Variants in IL1RAPL1 observed in about 807,000 individuals in gnomAD.
IL1RAPL1 encodes interleukin 1 receptor accessory protein like 1.
IL1RAPL1 carries 3 observed loss-of-function variants against 48.4 expected under a neutral mutation model. The ratio of observed to expected loss-of-function variants is 0.06; its 90% CI spans 0.03 to 0.16. The LOEUF is 0.16. Ranked by LOEUF, IL1RAPL1 falls within the 10% of genes least tolerant of loss-of-function variation. The pLI is 1.00. For synonymous variants in IL1RAPL1, 185 were observed against 187.7 expected (o/e 0.99, Z 0.12); for missense variants, 349 against 530.6 (o/e 0.66, Z 3.36).
intron 3 of IL1RAPL1, among the ~76,000 whole-genome samples, chrX:29,379,213 C>G (rs961495343): frequency 1.8e-5 from 2 of 112,501 alleles, no homozygotes; most frequent in Non-Finnish European, 3.8e-5. Context: ...GCAAAGCATC[C>G]AGGCTGGGCA....
At chrX:29,143,023 G>A (rs2362328) in intron 2 of IL1RAPL1, among the ~76,000 whole-genome samples, 24,346 of 109,835 alleles carry the variant, frequency 0.22, 2,425 homozygotes, top group African/African-American at 0.38. Flanking sequence ...TTAACTTCGG[G>A]AGCAAAGAAG....
At chrX:29,081,197 GCATGTGC>G (rs1321600907) in intron 2 of IL1RAPL1, among the ~76,000 whole-genome samples, 3 of 102,781 alleles carry the variant, frequency 2.9e-5, no homozygotes, top group African/African-American at 1.1e-4. Context: ...GGGATTACAG[GCATGTGC>G]CACCACACCT....
intron 6 of IL1RAPL1, among the ~76,000 whole-genome samples, chrX:29,907,790 T>C (rs948511686): frequency 3.6e-5 from 4 of 112,042 alleles, no homozygotes; most frequent in Admixed American, 9.5e-5. Flanking sequence ...CTACATCTTA[T>C]TGGACTTTTA....
chrX:28,636,805 T>C (rs1393347766), intron 1 of IL1RAPL1, among the ~76,000 whole-genome samples: 1 of 111,871 alleles, frequency 8.9e-6, no homozygotes, highest in Non-Finnish European at 1.9e-5. Flanking sequence ...TATATAACAT[T>C]GTCTCACTGA....
intron 2 of IL1RAPL1, among the ~76,000 whole-genome samples, chrX:29,098,097 T>TC (rs753090956): frequency 2.7e-5 from 3 of 112,541 alleles, no homozygotes; most frequent in Admixed American, 9.4e-5. Flanking sequence ...TTCACAACTG[T>TC]CCAACTGGTG....
At chrX:29,468,818 CTT>C (rs1372938691) in intron 5 of IL1RAPL1, among the ~76,000 whole-genome samples, 2 of 111,856 alleles carry the variant, frequency 1.8e-5, no homozygotes, top group African/African-American at 3.3e-5. Flanking sequence ...ATTTTTCTCT[CTT>C]ATAATTTTCC....
intron 5 of IL1RAPL1, among the ~76,000 whole-genome samples, chrX:29,418,791 C>T (rs5972082): frequency 0.37 from 41,539 of 110,837 alleles, 6,380 homozygotes; most frequent in Middle Eastern, 0.54. Context: ...AATACAAATA[C>T]AATGAAGTAG....
intron 2 of IL1RAPL1, among the ~76,000 whole-genome samples, chrX:28,948,944 T>C (rs1403010498): frequency 3.6e-5 from 4 of 111,625 alleles, no homozygotes; most frequent in African/African-American, 1.3e-4. Context: ...ATTTTCCTTC[T>C]GAAAATATCT....
At chrX:29,392,924 C>A (rs1488923719) in intron 3 of IL1RAPL1, among the ~76,000 whole-genome samples, 2 of 111,885 alleles carry the variant, frequency 1.8e-5, no homozygotes, top group Non-Finnish European at 3.8e-5. Flanking sequence ...AAACACTGTG[C>A]GACTGTACTG....
chrX:29,137,256 G>GCT (rs1555967868), intron 2 of IL1RAPL1, among the ~76,000 whole-genome samples: 1 of 27,599 alleles, frequency 3.6e-5, no homozygotes, highest in Non-Finnish European at 6.1e-5. Flanking sequence ...ACACACTTGC[G>GCT]CTCACACACA....
At chrX:29,105,009 G>A (rs917451660) in intron 2 of IL1RAPL1, among the ~76,000 whole-genome samples, 1 of 111,645 alleles carries the variant, frequency 9.0e-6, no homozygotes, top group Non-Finnish European at 1.9e-5. Context: ...GTCTGTCCAT[G>A]CTAAAAAATC....
intron 6 of IL1RAPL1, among the ~76,000 whole-genome samples, chrX:29,763,351 T>A (rs1307062886): frequency 2.7e-5 from 3 of 111,648 alleles, no homozygotes; most frequent in African/African-American, 9.7e-5. Flanking sequence ...TCTTGTGATT[T>A]TTCTCATTGG....
chrX:29,193,753 A>G (rs1284000332), intron 2 of IL1RAPL1, among the ~76,000 whole-genome samples: 1 of 111,616 alleles, frequency 9.0e-6, no homozygotes, highest in African/African-American at 3.2e-5. Flanking sequence ...TAAAGAATTA[A>G]TACACACATA....
chrX:28,975,901 G>T (rs997902517), intron 2 of IL1RAPL1, among the ~76,000 whole-genome samples: 1 of 111,538 alleles, frequency 9.0e-6, no homozygotes, highest in African/African-American at 3.3e-5. Context: ...TGAGGTATTA[G>T]GATGTCTCAG....
intron 2 of IL1RAPL1, among the ~76,000 whole-genome samples, chrX:28,947,367 T>A (rs1924334053): frequency 8.9e-6 from 1 of 111,798 alleles, no homozygotes; most frequent in Non-Finnish European, 1.9e-5. Flanking sequence ...CGTATTCAAA[T>A]TGTACTGAGT....
intron 3 of IL1RAPL1, among the ~76,000 whole-genome samples, chrX:29,342,101 A>C (rs28493205): frequency 0.21 from 21,434 of 102,275 alleles, 2,230 homozygotes; most frequent in African/African-American, 0.42. Context: ...GCCACTGCAC[A>C]CGGCCTTGTT....
chrX:29,055,155 G>A, intron 2 of IL1RAPL1, among the ~76,000 whole-genome samples: 1 of 111,802 alleles, frequency 8.9e-6, no homozygotes, highest in Middle Eastern at 4.6e-3. Flanking sequence ...GAGAAACTGT[G>A]TGGAACCTTT....
At chrX:29,572,471 G>A (rs1177225631) in intron 5 of IL1RAPL1, among the ~76,000 whole-genome samples, 5 of 112,332 alleles carry the variant, frequency 4.5e-5, no homozygotes, top group Non-Finnish European at 9.4e-5. Context: ...CAGGAGAATG[G>A]TGTTGCCTAA....
chrX:28,658,029 T>C (rs1934768965), intron 1 of IL1RAPL1, among the ~76,000 whole-genome samples: 1 of 111,991 alleles, frequency 8.9e-6, no homozygotes, highest in Non-Finnish European at 1.9e-5. Flanking sequence ...TGTGTTATGA[T>C]TGATCCATTT....
Sources: allele counts gnomAD v4.1 joint callset (sites outside exome capture counted in the v4.1 genomes callset), GRCh38; gene constraint gnomAD v4.1.1; transcripts MANE v1.5; gene names NCBI Gene and HGNC (gene_info 2026-07-23, HGNC 2026-07-21).